Variants in DNAJC13 observed in about 807,000 individuals in gnomAD.
The protein encoded by DNAJC13 is dnaJ homolog subfamily C member 13.
Under a neutral mutation model 290.5 loss-of-function variants are expected in DNAJC13, and 75 were observed. That is an observed-to-expected ratio of 0.26 (90% CI 0.21 to 0.31). The LOEUF (loss-of-function observed/expected upper bound fraction) is 0.31, where lower values mean the gene tolerates loss of function less well. Ranked by LOEUF, DNAJC13 falls within the 10% of genes least tolerant of loss-of-function variation. DNAJC13 has a pLI of 1.00. For synonymous variants in DNAJC13, 862 were observed against 892.0 expected (o/e 0.97, Z 0.60); for missense variants, 2,260 against 2,674.5 (o/e 0.85, Z 3.42).
At chr3:132,496,393 A>T in intron 35 of DNAJC13, 135 bp from the exon 36 acceptor site, 1 of 802,342 alleles carries the variant, frequency 1.2e-6, no homozygotes, top group Non-Finnish European at 1.8e-6. Context: ...GCTAGATTAC[A>T]GTTGGAATGA....
chr3:132,427,909 C>T (rs1344882982), intron 1 of DNAJC13, among the ~76,000 whole-genome samples: 1 of 152,140 alleles, frequency 6.6e-6, no homozygotes, highest in Non-Finnish European at 1.5e-5. Flanking sequence ...TTCAAAGTCA[C>T]GCAGCCAGTA....
chr3:132,438,907 C>T (rs1932954984), intron 2 of DNAJC13, among the ~76,000 whole-genome samples: 1 of 152,108 alleles, frequency 6.6e-6, no homozygotes, highest in African/African-American at 2.4e-5. Context: ...GGGGAAAAGG[C>T]ACTTTTCTTT....
intron 9 of DNAJC13, among the ~76,000 whole-genome samples, chr3:132,455,948 A>G (rs1246223334): frequency 6.6e-6 from 1 of 152,198 alleles, no homozygotes; most frequent in African/African-American, 2.4e-5. Flanking sequence ...TAATTGGATG[A>G]CTTGTGATTT....
intron 27 of DNAJC13, 61 bp from the exon 28 acceptor site, chr3:132,483,314 A>T: frequency 7.2e-7 from 1 of 1,384,312 alleles, no homozygotes; most frequent in Non-Finnish European, 1.0e-6. Context: ...TAAAGTAGAA[A>T]ACACTAGTGA....
At position 132,538,308 on chromosome 3, in the gene DNAJC13, T is replaced by C. The variant is rs747289629; in HGVS notation, c.*26T>C. ...AATATTCACGAGAGACAATAAACGC[T>C]GAAAGGCCAGTGCCAAGTCCACATT... On this transcript the variant is annotated 3_prime_UTR_variant, in exon 56 of 56. Transcript: ENST00000260818. 4 of 1,590,906 alleles carry C rather than the reference T, an allele frequency of 2.5e-6. No individual in the cohort carries two copies. The highest frequency in any genetic ancestry group is 2.2e-5 in the East Asian group (1 of 44,652).
intron 20 of DNAJC13, among the ~76,000 whole-genome samples, chr3:132,468,374 G>T (rs922417955): frequency 6.6e-6 from 1 of 152,152 alleles, no homozygotes; most frequent in Non-Finnish European, 1.5e-5. Flanking sequence ...TGGATTACCA[G>T]AATACGTAAG....
intron 36 of DNAJC13, 49 bp from the exon 37 acceptor site, chr3:132,499,077 A>G (rs373379495): frequency 3.7e-5 from 54 of 1,463,332 alleles, no homozygotes; most frequent in Non-Finnish European, 4.7e-5. Context: ...AAACCACAAC[A>G]TAATCAATTT....
Position 132,531,113 on chromosome 3 carries a change from T to C in DNAJC13, c.6625+16T>C. On this transcript the variant is annotated intron_variant, in intron 55 of 55. Coordinates refer to ENST00000260818, the MANE Select transcript of DNAJC13 (RefSeq NM_015268.4). The stretch of plus-strand genomic sequence containing the variant: ...TACCTCACAGGTAAGCCATACCTAA[T>C]TGGTTATTGTAAGACACCTGGCAGA... 1 of 1,610,596 alleles carries C rather than the reference T, an allele frequency of 6.2e-7. No homozygotes were observed. The highest frequency in any genetic ancestry group is 8.5e-7 in the Non-Finnish European group (1 of 1,177,080).
intron 1 of DNAJC13, among the ~76,000 whole-genome samples, chr3:132,421,840 G>T (rs1415644040): frequency 2.6e-5 from 4 of 152,116 alleles, no homozygotes; most frequent in Admixed American, 6.5e-5. Context: ...AAAGAACAGG[G>T]TTAATAAAGT....
chr3:132,474,019 C>T (rs1040543046), intron 21 of DNAJC13, among the ~76,000 whole-genome samples: 4 of 152,088 alleles, frequency 2.6e-5, no homozygotes, highest in Non-Finnish European at 4.4e-5. Flanking sequence ...TAGACTTGTG[C>T]CCAAATGTTT....
rs543570428 is a variant in DNAJC13, at chr3:132,479,822, C to T, written c.2772+533C>T. Among the ~76,000 whole-genome samples, 11 of 152,082 alleles carry T rather than the reference C, an allele frequency of 7.2e-5. No individual in the cohort carries two copies. In the South Asian group the frequency reaches 8.3e-4, roughly 11 times the overall value. On this transcript the variant is annotated intron_variant, in intron 25 of 55. Transcript: ENST00000260818. ...TTCACAATTTATGTTGAAGTGTAAG[C>T]GGATTTTCATTTCTTAAAACTTTGA...
rs143702203 is a variant in DNAJC13 at position 132,493,946 on chromosome 3, G to A, written c.3826-198G>A. ...AAAATTTTTTAAATAGAGGAATATT[G>A]CCTTGTAACAAATACCTTGCTCTGC... On this transcript the variant is annotated intron_variant, in intron 33 of 55. Transcript: ENST00000260818. Among the ~76,000 whole-genome samples, 286 of 152,142 alleles carry A rather than the reference G, an allele frequency of 1.9e-3. 1 individual carries two copies. The highest frequency in any genetic ancestry group is 6.4e-3 in the African/African-American group (267 of 41,512).
chr3:132,516,971 A>G (rs561885489), intron 48 of DNAJC13, among the ~76,000 whole-genome samples, 155 bp downstream of exon 48: 4 of 152,352 alleles, frequency 2.6e-5, no homozygotes, highest in South Asian at 2.1e-4. Flanking sequence ...AATTGTTCCT[A>G]TGTATTACTG....
At chr3:132,518,344 C>G (rs184523000) in intron 48 of DNAJC13, among the ~76,000 whole-genome samples, 1 of 152,074 alleles carries the variant, frequency 6.6e-6, no homozygotes, top group African/African-American at 2.4e-5. Context: ...ATTCTAGAAC[C>G]GGGGTCGGTA....
intron 29 of DNAJC13, among the ~76,000 whole-genome samples, chr3:132,487,633 G>C (rs11928331): frequency 6.9e-6 from 1 of 145,380 alleles, no homozygotes; most frequent in African/African-American, 2.6e-5. Flanking sequence ...GTGTTTTATA[G>C]AAAATTGGAA....
At chr3:132,430,315 A>G (rs1939207345) in intron 1 of DNAJC13, among the ~76,000 whole-genome samples, 1 of 151,894 alleles carries the variant, frequency 6.6e-6, no homozygotes, top group Non-Finnish European at 1.5e-5. Context: ...TATTTTTTAA[A>G]TTATTTAAAA....
intron 26 of DNAJC13, among the ~76,000 whole-genome samples, chr3:132,480,721 A>T (rs759796315): frequency 2.0e-5 from 3 of 152,238 alleles, no homozygotes; most frequent in Non-Finnish European, 4.4e-5. Flanking sequence ...ATCTTGAGGC[A>T]ATGTGACTTT....
intron 22 of DNAJC13, among the ~76,000 whole-genome samples, chr3:132,476,330 A>G (rs1158700927): frequency 6.6e-6 from 1 of 152,112 alleles, no homozygotes; most frequent in Non-Finnish European, 1.5e-5. Flanking sequence ...GATAATGACT[A>G]CTCCTTATTT....
intron 39 of DNAJC13, among the ~76,000 whole-genome samples, chr3:132,501,238 C>T (rs892907268): frequency 3.9e-5 from 6 of 152,104 alleles, no homozygotes; most frequent in East Asian, 3.9e-4. Flanking sequence ...TGGTGGCTCA[C>T]GTCTGTAATC....
Sources: gnomAD v4.1 joint callset for allele counts (sites outside exome capture counted in the v4.1 genomes callset) on GRCh38, gnomAD v4.1.1 for gene constraint, MANE v1.5 for transcripts, NCBI Gene and HGNC (gene_info 2026-07-23, HGNC 2026-07-21) for gene names.